Variants in CHSY3 observed in about 807,000 individuals in gnomAD.
CHSY3 encodes chondroitin sulfate synthase 3, also known as N-acetylgalactosaminyl-proteoglycan 3-beta-glucuronosyltransferase 3.
CHSY3 carries 35 observed loss-of-function variants against 67.2 expected under a neutral mutation model. The ratio of observed to expected loss-of-function variants is 0.52; its 90% CI spans 0.40 to 0.69. The LOEUF (loss-of-function observed/expected upper bound fraction) is 0.69. CHSY3 is among the 30% of genes least tolerant of loss of function. CHSY3 has a pLI of 0.00. For missense variants in CHSY3, 1,069 were observed against 1,138.5 expected (o/e 0.94, Z 0.88); for synonymous variants, 474 against 434.7 (o/e 1.09, Z -1.12).
At chr5:130,104,760 T>C (rs1396447069) in intron 2 of CHSY3, among the ~76,000 whole-genome samples, 1 of 151,928 alleles carries the variant, frequency 6.6e-6, no homozygotes, top group African/African-American at 2.4e-5. Context: ...TATAAGTGCA[T>C]GACTGTAATA....
intron 2 of CHSY3, among the ~76,000 whole-genome samples, chr5:130,098,616 G>C (rs1411985166): frequency 6.6e-6 from 1 of 152,168 alleles, no homozygotes; most frequent in Non-Finnish European, 1.5e-5. Context: ...GATGATTTAA[G>C]CAAATTACTC....
chr5:129,956,991 G>T (rs1762195825), intron 2 of CHSY3, among the ~76,000 whole-genome samples: 1 of 151,790 alleles, frequency 6.6e-6, no homozygotes, highest in African/African-American at 2.4e-5. Context: ...TTTTTTTCTA[G>T]TTATGTGAGG....
intron 2 of CHSY3, among the ~76,000 whole-genome samples, chr5:130,074,664 A>G (rs1376566115): frequency 1.3e-5 from 2 of 152,188 alleles, no homozygotes; most frequent in African/African-American, 4.8e-5. Flanking sequence ...AGTTTTCTAC[A>G]CAAAATGCTC....
At chr5:130,104,921 G>A (rs1025303398) in intron 2 of CHSY3, among the ~76,000 whole-genome samples, 7 of 151,740 alleles carry the variant, frequency 4.6e-5, no homozygotes, top group African/African-American at 1.7e-4. Context: ...AAAGGAGCCT[G>A]AGACTCTTAT....
chr5:129,980,631 G>C (rs930267294), intron 2 of CHSY3, among the ~76,000 whole-genome samples: 36 of 152,216 alleles, frequency 2.4e-4, no homozygotes, highest in Admixed American at 2.2e-3. Context: ...TCGAAGTCCA[G>C]CTTATCAATG....
intron 2 of CHSY3, among the ~76,000 whole-genome samples, chr5:130,070,646 A>G (rs553713149): frequency 2.0e-5 from 3 of 152,242 alleles, no homozygotes; most frequent in Non-Finnish European, 2.9e-5. Flanking sequence ...TTTAAGGTTA[A>G]TACTCAATTA....
chr5:129,953,531 T>G (rs1353459367), intron 2 of CHSY3, among the ~76,000 whole-genome samples: 1 of 152,170 alleles, frequency 6.6e-6, no homozygotes, highest in Non-Finnish European at 1.5e-5. Flanking sequence ...TATTGCTGGT[T>G]CTAGGTCCTT....
intron 2 of CHSY3, among the ~76,000 whole-genome samples, chr5:130,076,311 CTTTTTTT>C (rs79134351): frequency 1.4e-5 from 2 of 141,662 alleles, no homozygotes; most frequent in Non-Finnish European, 3.1e-5. Context: ...TTTTTTCTTT[CTTTTTTT>C]TTTTTTTCTC....
At chr5:130,072,904 C>T (rs1429084458) in intron 2 of CHSY3, among the ~76,000 whole-genome samples, 2 of 152,100 alleles carry the variant, frequency 1.3e-5, no homozygotes, top group Admixed American at 1.3e-4. Context: ...GAAAGACAAA[C>T]ACTTCATGAT....
chr5:129,965,347 C>A (rs1762440851), intron 2 of CHSY3, among the ~76,000 whole-genome samples: 1 of 151,924 alleles, frequency 6.6e-6, no homozygotes, highest in Non-Finnish European at 1.5e-5. Flanking sequence ...GTGACACCAT[C>A]ACGTATTACT....
At position 129,976,624 on chromosome 5, in the gene CHSY3, T is replaced by G. The variant is rs73785832; in HGVS notation, c.1086+68264T>G. ...AGTATTTAATATAGAACTTCCTGAT[T>G]GGAAGACTTACATATACCTGAAAAG... On this transcript the variant is annotated intron_variant, in intron 2 of 2. Coordinates refer to ENST00000305031, the MANE Select transcript of CHSY3 (RefSeq NM_175856.5). Among the ~76,000 whole-genome samples the G allele has an allele frequency of 7.3e-3, 1,106 of 152,180 alleles. 12 individuals carry two copies. The highest frequency in any genetic ancestry group is 0.025 in the African/African-American group (1,050 of 41,546).
intron 2 of CHSY3, among the ~76,000 whole-genome samples, chr5:130,126,170 C>A (rs73244876): frequency 6.6e-6 from 1 of 152,012 alleles, no homozygotes; most frequent in African/African-American, 2.4e-5. Context: ...TATGGAGTCC[C>A]TAACACATGG....
chr5:129,937,935 G>A lies in CHSY3; in HGVS notation c.1086+29575G>A, dbSNP rs6885860. The stretch of plus-strand genomic sequence containing the variant: ...CTGCTTTCACAGGCTGGTGTATGGG[G>A]GCTCCAACCTCACATTTCCCCTCTT... On this transcript the variant is annotated intron_variant, in intron 2 of 2. Coordinates refer to ENST00000305031, the MANE Select transcript of CHSY3 (RefSeq NM_175856.5). Among the ~76,000 whole-genome samples, 1,309 of 152,198 alleles carry A rather than the reference G, an allele frequency of 8.6e-3. 21 individuals carry two copies. The highest frequency in any genetic ancestry group is 0.03 in the African/African-American group (1,253 of 41,522).
chr5:129,980,422 G>T (rs1321427390), intron 2 of CHSY3, among the ~76,000 whole-genome samples: 2 of 152,148 alleles, frequency 1.3e-5, no homozygotes, highest in Admixed American at 6.5e-5. Flanking sequence ...CTTCTTTGGT[G>T]AAGGGTCTGG....
intron 2 of CHSY3, among the ~76,000 whole-genome samples, chr5:129,957,881 C>T (rs189495333): frequency 2.2e-4 from 33 of 151,712 alleles, no homozygotes; most frequent in Middle Eastern, 6.8e-3. Context: ...TTTTTTCTTC[C>T]TCTCCAACTT....
chr5:130,078,995 A>G (rs1385977104), intron 2 of CHSY3, among the ~76,000 whole-genome samples: 4 of 152,138 alleles, frequency 2.6e-5, no homozygotes, highest in African/African-American at 9.6e-5. Flanking sequence ...ATATACTGAG[A>G]TTTCTTCTCC....
intron 2 of CHSY3, among the ~76,000 whole-genome samples, chr5:130,045,016 G>A (rs972017336): frequency 6.6e-6 from 1 of 152,118 alleles, no homozygotes; most frequent in East Asian, 1.9e-4. Flanking sequence ...TTGAGACAGG[G>A]TCTCACTCTG....
chr5:130,055,866 G>A (rs975483049), intron 2 of CHSY3, among the ~76,000 whole-genome samples: 1 of 152,060 alleles, frequency 6.6e-6, no homozygotes, highest in African/African-American at 2.4e-5. Context: ...CCCTCTCCCT[G>A]CAGAATTGTC....
chr5:130,144,815 A>C (rs1340509013), intron 2 of CHSY3, among the ~76,000 whole-genome samples: 1 of 152,184 alleles, frequency 6.6e-6, no homozygotes, highest in African/African-American at 2.4e-5. Context: ...CTATCAAGAA[A>C]TATCTGAGAT....
Sources: allele counts gnomAD v4.1 joint callset (sites outside exome capture counted in the v4.1 genomes callset), GRCh38; gene constraint gnomAD v4.1.1; transcripts MANE v1.5; gene names NCBI Gene and HGNC (gene_info 2026-07-23, HGNC 2026-07-21).